Variants in TNS3 observed in about 807,000 individuals in gnomAD.
TNS3 encodes tensin 3.
Under a neutral mutation model 140.9 loss-of-function variants are expected in TNS3, and 45 were observed. That is an observed-to-expected ratio of 0.32 (90% CI 0.25 to 0.41). The LOEUF is 0.41. Among genes scored for constraint, TNS3 ranks in the 10% least tolerant of loss-of-function variants. The pLI is 1.00. For missense variants in TNS3, 1,716 were observed against 1,906.7 expected (o/e 0.90, Z 1.86); for synonymous variants, 815 against 788.4 (o/e 1.03, Z -0.56).
chr7:47,358,299 G>A lies in TNS3; in HGVS notation c.2281+10066C>T, dbSNP rs571829620. ...ACTACAGGCACGTGCCACCATGCCC[G>A]GCTAATTTTTGTATTTTTTAGTAGA... On this transcript the variant is annotated intron_variant, in intron 17 of 30. Coordinates refer to ENST00000311160, the MANE Select transcript of TNS3 (RefSeq NM_022748.12). Among the ~76,000 whole-genome samples the A allele has an allele frequency of 1.8e-3, 273 of 152,094 alleles. 1 individual carries two copies. The highest frequency in any genetic ancestry group is 3.7e-4 in the Non-Finnish European group (25 of 67,984).
At chr7:47,361,013 G>A (rs933103088) in intron 17 of TNS3, among the ~76,000 whole-genome samples, 2 of 151,662 alleles carry the variant, frequency 1.3e-5, no homozygotes, top group South Asian at 2.1e-4. Context: ...GGGCGCAGGC[G>A]CTGGGGCCCA....
intron 4 of TNS3, among the ~76,000 whole-genome samples, chr7:47,480,698 T>C (rs767181890): frequency 2.6e-5 from 4 of 152,214 alleles, no homozygotes; most frequent in Non-Finnish European, 5.9e-5. Flanking sequence ...CAGAGCTGGA[T>C]GTCAGTCTAC....
intron 28 of TNS3, among the ~76,000 whole-genome samples, chr7:47,282,172 C>T (rs906889466): frequency 2.6e-5 from 4 of 151,692 alleles, no homozygotes; most frequent in Non-Finnish European, 5.9e-5. Context: ...CCGAGCCATG[C>T]CCCTGACCCT....
chr7:47,311,359 C>T (rs578223256), intron 20 of TNS3, among the ~76,000 whole-genome samples: 19 of 150,866 alleles, frequency 1.3e-4, no homozygotes, highest in Middle Eastern at 3.4e-3. Context: ...ACATATGTAA[C>T]AAACCTGCAC....
intron 1 of TNS3, among the ~76,000 whole-genome samples, chr7:47,542,709 T>C (rs956771611): frequency 1.6e-4 from 25 of 151,998 alleles, no homozygotes; most frequent in Non-Finnish European, 1.5e-5. Flanking sequence ...GGAGGGCAGA[T>C]CACGAGGTCA....
intron 16 of TNS3, among the ~76,000 whole-genome samples, chr7:47,379,428 G>A (rs1445806173): frequency 6.6e-6 from 1 of 151,982 alleles, no homozygotes; most frequent in East Asian, 1.9e-4. Context: ...ATGATTTTTG[G>A]AGTTTTTATT....
chr7:47,411,641 T>C, intron 13 of TNS3, 86 bp downstream of exon 13: 2 of 1,398,196 alleles, frequency 1.4e-6, no homozygotes, highest in South Asian at 2.6e-5. Flanking sequence ...TGAGGGTTAC[T>C]GTTTTAACAC....
chr7:47,553,359 C>G (rs1001190600), intron 1 of TNS3, among the ~76,000 whole-genome samples: 1 of 152,220 alleles, frequency 6.6e-6, no homozygotes, highest in Non-Finnish European at 1.5e-5. Context: ...AAGTCAATGT[C>G]AAGCTTCAAA....
chr7:47,475,066 ACACCT>A (rs1466124170), intron 4 of TNS3, among the ~76,000 whole-genome samples: 1 of 151,818 alleles, frequency 6.6e-6, no homozygotes, highest in African/African-American at 2.4e-5. Context: ...ACACAAAAAC[ACACCT>A]CACGTACAAC....
chr7:47,343,223 C>T (rs931872066), intron 20 of TNS3, among the ~76,000 whole-genome samples: 1 of 152,182 alleles, frequency 6.6e-6, no homozygotes, highest in African/African-American at 2.4e-5. Flanking sequence ...CAGGCTGGGA[C>T]AATCGGGCCA....
At chr7:47,495,190 C>CAAAAAAA (rs11353260) in intron 3 of TNS3, among the ~76,000 whole-genome samples, 1 of 79,682 alleles carries the variant, frequency 1.3e-5, no homozygotes, top group Non-Finnish European at 2.6e-5. Context: ...GACTCCGTCT[C>CAAAAAAA]AAAAAAAAAA....
chr7:47,544,788 G>A (rs759574487), intron 1 of TNS3, among the ~76,000 whole-genome samples: 1 of 152,062 alleles, frequency 6.6e-6, no homozygotes, highest in Non-Finnish European at 1.5e-5. Flanking sequence ...GTTTCCTCCT[G>A]TCAAATGAGC....
intron 1 of TNS3, among the ~76,000 whole-genome samples, chr7:47,558,090 C>T (rs1457034715): frequency 3.3e-5 from 5 of 152,238 alleles, no homozygotes; most frequent in Non-Finnish European, 7.3e-5. Context: ...TGGCCCTCCA[C>T]TGTCCACCCC....
chr7:47,357,653 G>A (rs1354463609), intron 17 of TNS3, among the ~76,000 whole-genome samples: 4 of 152,158 alleles, frequency 2.6e-5, no homozygotes, highest in African/African-American at 9.7e-5. Context: ...ACCCAGGGAA[G>A]AGCCTTCCCC....
At chr7:47,391,244 A>G (rs1792499692) in intron 16 of TNS3, among the ~76,000 whole-genome samples, 2 of 152,238 alleles carry the variant, frequency 1.3e-5, no homozygotes, top group South Asian at 4.2e-4. Flanking sequence ...TTTCTCTTCA[A>G]TTCTTTCCTA....
chr7:47,320,777 G>A (rs895786283), intron 20 of TNS3, among the ~76,000 whole-genome samples: 2 of 152,226 alleles, frequency 1.3e-5, no homozygotes, highest in African/African-American at 4.8e-5. Flanking sequence ...ATGTGCAGGG[G>A]GTGGAGGGAG....
At chr7:47,380,485 T>C (rs1416521228) in intron 16 of TNS3, among the ~76,000 whole-genome samples, 3 of 152,328 alleles carry the variant, frequency 2.0e-5, no homozygotes, top group Non-Finnish European at 2.9e-5. Flanking sequence ...GTCAGTAAGT[T>C]AAGACTCCTC....
At position 47,307,430 on chromosome 7, in the gene TNS3, G is replaced by A. The variant is rs117832035; in HGVS notation, c.2651-2427C>T. ...TGGACACTTGGGTTGTTGCCACTAT[G>A]GGGCTGCTACATATAAAGCTGCAAT... On this transcript the variant is annotated intron_variant, in intron 20 of 30. Transcript: ENST00000311160. Among the ~76,000 whole-genome samples the A allele has an allele frequency of 5.9e-3, 892 of 152,284 alleles. 3 individuals carry two copies. The highest frequency in any genetic ancestry group is 0.013 in the Admixed American group (204 of 15,296).
At chr7:47,447,246 ATATGTTTGTT>A (rs1795790195) in intron 4 of TNS3, among the ~76,000 whole-genome samples, 1 of 120,810 alleles carries the variant, frequency 8.3e-6, no homozygotes, top group Non-Finnish European at 1.8e-5. Context: ...CTGGTTCCAC[ATATGTTTGTT>A]TGTTTGTTTG....
Sources: allele counts gnomAD v4.1 joint callset (sites outside exome capture counted in the v4.1 genomes callset), GRCh38; gene constraint gnomAD v4.1.1; transcripts MANE v1.5; gene names NCBI Gene and HGNC (gene_info 2026-07-23, HGNC 2026-07-21).